BCL2: variants seen among roughly 807,000 people sequenced by gnomAD.
BCL2 encodes BCL2 apoptosis regulator.
BCL2 carries 1 observed loss-of-function variant against 14.2 expected under a neutral mutation model. The observed-to-expected ratio is 0.07, with a 90% confidence interval of 0.02 to 0.33. BCL2 has a LOEUF of 0.33. BCL2 is among the 10% of genes least tolerant of loss of function. BCL2 has a pLI of 0.99. For synonymous variants in BCL2, 151 were observed against 137.2 expected (o/e 1.10, Z -0.70); for missense variants, 247 against 305.9 (o/e 0.81, Z 1.44).
At chr18:63,308,651 T>C (rs781211470) in intron 2 of BCL2, among the ~76,000 whole-genome samples, 1 of 152,214 alleles carries the variant, frequency 6.6e-6, no homozygotes, top group African/African-American at 2.4e-5. Flanking sequence ...AATGATATAC[T>C]TTTTCAATTC....
intron 2 of BCL2, among the ~76,000 whole-genome samples, chr18:63,150,027 C>T (rs1914613861): frequency 6.6e-6 from 1 of 151,994 alleles, no homozygotes; most frequent in African/African-American, 2.4e-5. Context: ...ATTACAGGCA[C>T]CCACCGCCAT....
At chr18:63,309,340 C>T (rs1225533269) in intron 2 of BCL2, among the ~76,000 whole-genome samples, 1 of 152,362 alleles carries the variant, frequency 6.6e-6, no homozygotes, top group East Asian at 1.9e-4. Flanking sequence ...CTAAGGCTTA[C>T]TGGGCATTTC....
chr18:63,135,490 C>A (rs1346259783), intron 2 of BCL2, among the ~76,000 whole-genome samples: 1 of 152,184 alleles, frequency 6.6e-6, no homozygotes, highest in African/African-American at 2.4e-5. Context: ...CAACAGCCAC[C>A]ACTTGTCTCA....
At chr18:63,163,160 C>T (rs1914965215) in intron 2 of BCL2, among the ~76,000 whole-genome samples, 1 of 152,140 alleles carries the variant, frequency 6.6e-6, no homozygotes, top group Non-Finnish European at 1.5e-5. Context: ...TTCCTTACCA[C>T]TGTCTGTATC....
intron 2 of BCL2, among the ~76,000 whole-genome samples, chr18:63,197,052 G>T (rs1909464629): frequency 6.6e-6 from 1 of 152,176 alleles, no homozygotes. Context: ...TTGATTTCTT[G>T]CAACAGAAAT....
chr18:63,309,945 C>T (rs1429998098), intron 2 of BCL2, among the ~76,000 whole-genome samples: 1 of 152,140 alleles, frequency 6.6e-6, no homozygotes, highest in East Asian at 1.9e-4. Flanking sequence ...TCACTGCAAC[C>T]TCCGCCTCCT....
intron 2 of BCL2, among the ~76,000 whole-genome samples, chr18:63,281,892 G>C (rs1912331964): frequency 6.6e-6 from 1 of 152,172 alleles, no homozygotes; most frequent in African/African-American, 2.4e-5. Context: ...TTGTTTATTT[G>C]TGTTGTTGCT....
intron 2 of BCL2, among the ~76,000 whole-genome samples, chr18:63,185,322 T>C (rs1243988021): frequency 6.6e-6 from 1 of 152,228 alleles, no homozygotes; most frequent in East Asian, 1.9e-4. Flanking sequence ...ATTCTTTGGG[T>C]TCTAACGTCT....
chr18:63,156,900 T>G (rs1220929569), intron 2 of BCL2, among the ~76,000 whole-genome samples: 1 of 152,132 alleles, frequency 6.6e-6, no homozygotes, highest in African/African-American at 2.4e-5. Flanking sequence ...TTGGAGAATT[T>G]GCCCTCCGTT....
At chr18:63,260,946 A>G (rs1285665600) in intron 2 of BCL2, among the ~76,000 whole-genome samples, 1 of 152,232 alleles carries the variant, frequency 6.6e-6, no homozygotes, top group Non-Finnish European at 1.5e-5. Context: ...TGCAGTACAA[A>G]TCACTTTTCC....
At chr18:63,302,542 T>C (rs1467321653) in intron 2 of BCL2, 4 of 985,444 alleles carry the variant, frequency 4.1e-6, no homozygotes, top group East Asian at 2.3e-4. Context: ...CCAGGGAAGA[T>C]GTTGAATTGA....
chr18:63,232,861 A>G (rs1392605606), intron 2 of BCL2, among the ~76,000 whole-genome samples: 2 of 152,248 alleles, frequency 1.3e-5, no homozygotes, highest in Non-Finnish European at 2.9e-5. Flanking sequence ...ACCTGGAAAC[A>G]TCAGTTAGGG....
chr18:63,297,021 G>T (rs1386806364), intron 2 of BCL2, among the ~76,000 whole-genome samples: 1 of 152,124 alleles, frequency 6.6e-6, no homozygotes, highest in Admixed American at 6.5e-5. Context: ...GACCATCTTG[G>T]TTAACACGGT....
rs533116088 is a variant in BCL2, at chr18:63,300,314, G to A, written c.585+17768C>T. ...AAAAGAATGAAAGAAGTCAGCAAAC[G>A]CCCCTGAAGGTCTCTCTGCCTATTT... On this transcript the variant is annotated intron_variant, in intron 2 of 2. Transcript: ENST00000333681. Among the ~76,000 whole-genome samples the A allele has an allele frequency of 3.3e-5, 5 of 151,886 alleles. No homozygotes were observed. The South Asian group carries it at 8.3e-4, about 25-fold the overall frequency.
chr18:63,218,095 T>C (rs955879417), intron 2 of BCL2, among the ~76,000 whole-genome samples: 1 of 152,178 alleles, frequency 6.6e-6, no homozygotes, highest in Non-Finnish European at 1.5e-5. Context: ...GCATCGGTGG[T>C]GTGTTTTCTT....
intron 2 of BCL2, among the ~76,000 whole-genome samples, chr18:63,305,451 C>A (rs1016603383): frequency 6.6e-6 from 1 of 152,024 alleles, no homozygotes; most frequent in Non-Finnish European, 1.5e-5. Context: ...TGGGCATAAA[C>A]AAATAACTAA....
intron 2 of BCL2, among the ~76,000 whole-genome samples, chr18:63,236,239 T>G (rs1313189210): frequency 1.3e-5 from 2 of 152,220 alleles, no homozygotes; most frequent in Admixed American, 1.3e-4. Context: ...CCATTAAAAC[T>G]TTTTCTTTAC....
chr18:63,242,809 A>C (rs1052301007), intron 2 of BCL2, among the ~76,000 whole-genome samples: 14 of 152,220 alleles, frequency 9.2e-5, no homozygotes, highest in African/African-American at 3.4e-4. Flanking sequence ...TGCACATAGG[A>C]ATCTTACTGC....
intron 2 of BCL2, among the ~76,000 whole-genome samples, chr18:63,285,811 T>A (rs1329233426): frequency 1.3e-5 from 2 of 152,196 alleles, no homozygotes; most frequent in Non-Finnish European, 2.9e-5. Context: ...TAGAAGTGCA[T>A]CTCACTCAAC....
Sources: gnomAD v4.1 joint callset for allele counts (sites outside exome capture counted in the v4.1 genomes callset) on GRCh38, gnomAD v4.1.1 for gene constraint, MANE v1.5 for transcripts, NCBI Gene and HGNC (gene_info 2026-07-23, HGNC 2026-07-21) for gene names.